GALK2: variants seen among roughly 807,000 people sequenced by gnomAD.
GALK2 encodes the protein galactokinase 2.
Under a neutral mutation model 52.4 loss-of-function variants are expected in GALK2, and 36 were observed. The ratio of observed to expected loss-of-function variants is 0.69; its 90% CI spans 0.53 to 0.91. The LOEUF (loss-of-function observed/expected upper bound fraction) is 0.91. GALK2 is among the 40% of genes least tolerant of loss of function. GALK2 has a pLI of 0.00. For missense variants in GALK2, 579 were observed against 559.1 expected, an observed-to-expected ratio of 1.04 and a Z score of -0.36; for synonymous variants, 176 against 199.1, an observed-to-expected ratio of 0.88 and a Z score of 0.98.
chr15:49,231,587 G>A (rs1470611991), intron 3 of GALK2, among the ~76,000 whole-genome samples: 1 of 152,106 alleles, frequency 6.6e-6, no homozygotes, highest in Non-Finnish European at 1.5e-5. Context: ...CTGAGACAAG[G>A]CAAGTCCCTT....
At chr15:49,275,796 A>G (rs1471017622) in intron 5 of GALK2, among the ~76,000 whole-genome samples, 1 of 152,162 alleles carries the variant, frequency 6.6e-6, no homozygotes, top group Non-Finnish European at 1.5e-5. Flanking sequence ...TCTCAGTGCT[A>G]ATCAGTTAGA....
At chr15:49,246,243 C>A (rs1045625494) in intron 5 of GALK2, among the ~76,000 whole-genome samples, 1 of 152,144 alleles carries the variant, frequency 6.6e-6, no homozygotes, top group Non-Finnish European at 1.5e-5. Context: ...GAAGAAAGGA[C>A]CAAGTGCCTC....
chr15:49,196,641 T>C (rs779389427), intron 1 of GALK2, among the ~76,000 whole-genome samples: 7 of 152,252 alleles, frequency 4.6e-5, no homozygotes, highest in Non-Finnish European at 8.8e-5. Context: ...TTATCAAGTT[T>C]ATTGAGTCTT....
intron 5 of GALK2, among the ~76,000 whole-genome samples, chr15:49,250,690 C>T (rs1487770436): frequency 6.6e-6 from 1 of 152,108 alleles, no homozygotes; most frequent in African/African-American, 2.4e-5. Flanking sequence ...TCATAGACAT[C>T]GGAAAACCCT....
At chr15:49,161,618 A>G (rs1385609584) in intron 1 of GALK2, 1 of 152,218 alleles carries the variant, frequency 6.6e-6, no homozygotes, top group Non-Finnish European at 1.5e-5. Context: ...TTTAAAACAT[A>G]TTTTCATAAA....
At chr15:49,196,241 A>G (rs2087221705) in intron 1 of GALK2, among the ~76,000 whole-genome samples, 1 of 151,602 alleles carries the variant, frequency 6.6e-6, no homozygotes, top group Non-Finnish European at 1.5e-5. Flanking sequence ...ATCATTTTTC[A>G]TTTTTACTGC....
Position 49,328,134 on chromosome 15 carries a change from G to A in GALK2, c.1352G>A (p.Gly451Glu), listed in dbSNP as rs1391176721. 3.7e-6 allele frequency: 6 copies of A among 1,613,886 alleles called. No individual in the cohort carries two copies. In the Admixed American group the frequency reaches 5.0e-5, roughly 13 times the overall value. The change falls in exon 10 of 10, where the codon GGG becomes GAG. Residue 451 changes from glycine to glutamate, a missense_variant. Coordinates refer to ENST00000560031, the MANE Select transcript of GALK2 (RefSeq NM_002044.4). ...TTGTTTGCTACCAAACCTGGAGGTG[G>A]GGCTTTGGTTTTGCTTGAGGCCTGA... The part of the protein sequence containing the change: ...QSLFATKPGG[G>E]ALVLLEA
intron 1 of GALK2, chr15:49,185,703 G>C (rs945518771): frequency 1.3e-5 from 2 of 152,102 alleles, no homozygotes; most frequent in Non-Finnish European, 2.9e-5. Flanking sequence ...TTTTGGTTTT[G>C]ATTTGCATTT....
intron 3 of GALK2, among the ~76,000 whole-genome samples, chr15:49,347,757 G>A (rs550828135): frequency 1.5e-4 from 23 of 152,192 alleles, no homozygotes; most frequent in Admixed American, 9.2e-4. Flanking sequence ...GGTGGCTCAC[G>A]CCAGTAATCT....
At chr15:49,191,285 GCTGA>G (rs1319779951) in intron 1 of GALK2, among the ~76,000 whole-genome samples, 2 of 152,004 alleles carry the variant, frequency 1.3e-5, no homozygotes, top group Non-Finnish European at 2.9e-5. Flanking sequence ...TTATTGTTAC[GCTGA>G]CTGAGACTGG....
At chr15:49,274,513 G>A (rs1404825225) in intron 5 of GALK2, among the ~76,000 whole-genome samples, 1 of 152,172 alleles carries the variant, frequency 6.6e-6, no homozygotes, top group African/African-American at 2.4e-5. Flanking sequence ...GGACATGACT[G>A]TACACTACTG....
intron 8 of GALK2, among the ~76,000 whole-genome samples, chr15:49,303,649 T>C (rs1259090690): frequency 1.3e-5 from 2 of 152,212 alleles, no homozygotes; most frequent in African/African-American, 4.8e-5. Flanking sequence ...CCAACTATCT[T>C]CTTCACTCCA....
downstream of GALK2, among the ~76,000 whole-genome samples, chr15:49,332,695 T>C (rs545665503): frequency 2.0e-5 from 3 of 152,228 alleles, no homozygotes; most frequent in Admixed American, 1.3e-4. Context: ...ATTTAAAAAC[T>C]ATTTTTCCAT....
intron 3 of GALK2, among the ~76,000 whole-genome samples, chr15:49,233,898 G>C (rs956948955): frequency 6.6e-6 from 1 of 152,138 alleles, no homozygotes; most frequent in Non-Finnish European, 1.5e-5. Flanking sequence ...TTATGTTCAT[G>C]TCATCTTGGC....
At chr15:49,354,673 G>A (rs533535441) in intron 3 of GALK2, among the ~76,000 whole-genome samples, 2 of 152,352 alleles carry the variant, frequency 1.3e-5, no homozygotes, top group South Asian at 2.1e-4. Context: ...AGGGGCGCCC[G>A]CCATTGCCCA....
At chr15:49,191,718 A>G (rs1022389508) in intron 1 of GALK2, among the ~76,000 whole-genome samples, 2 of 152,190 alleles carry the variant, frequency 1.3e-5, no homozygotes, top group African/African-American at 4.8e-5. Context: ...TCTGTAACTT[A>G]TAAGTATCTT....
intron 5 of GALK2, among the ~76,000 whole-genome samples, chr15:49,240,182 T>G (rs2091023084): frequency 6.6e-6 from 1 of 152,204 alleles, no homozygotes. Context: ...CCTGTGTAAG[T>G]GTACATTAAT....
At chr15:49,226,090 C>T (rs893571223) in intron 3 of GALK2, among the ~76,000 whole-genome samples, 3 of 152,136 alleles carry the variant, frequency 2.0e-5, no homozygotes, top group East Asian at 1.9e-4. Context: ...AGAAGGGGAG[C>T]GTTGGGGGAT....
At chr15:49,360,375 G>T (rs1211396863) in intron 3 of GALK2, among the ~76,000 whole-genome samples, 1 of 152,138 alleles carries the variant, frequency 6.6e-6, no homozygotes, top group Non-Finnish European at 1.5e-5. Flanking sequence ...TAAAACTCAT[G>T]TTAGCAATAC....
Sources: gnomAD v4.1 joint callset for allele counts (sites outside exome capture counted in the v4.1 genomes callset) on GRCh38, gnomAD v4.1.1 for gene constraint, MANE v1.5 for transcripts, NCBI Gene and HGNC (gene_info 2026-07-23, HGNC 2026-07-21) for gene names.